DSG3: variants seen among roughly 807,000 people sequenced by gnomAD.
DSG3 encodes the protein desmoglein-3.
In DSG3, 63 loss-of-function variants were observed where a neutral mutation model predicts 85.9. That is an observed-to-expected ratio of 0.73 (90% CI 0.60 to 0.90). The LOEUF (loss-of-function observed/expected upper bound fraction) is 0.90, where lower values mean the gene tolerates loss of function less well. Among genes scored for constraint, DSG3 ranks in the 40% least tolerant of loss-of-function variants. The pLI is 0.00. For missense variants in DSG3, 1,220 were observed against 1,219.9 expected, an observed-to-expected ratio of 1.00 and a Z score of 0.00; for synonymous variants, 447 against 441.9, an observed-to-expected ratio of 1.01 and a Z score of -0.14.
At chr18:31,450,061 C>T (rs1166865776) in intron 1 of DSG3, among the ~76,000 whole-genome samples, 2 of 152,174 alleles carry the variant, frequency 1.3e-5, no homozygotes, top group South Asian at 2.1e-4. Flanking sequence ...CTTTTAAAAA[C>T]GTTTTAAATG....
At chr18:31,468,540 A>ATTT (rs2072835944) in intron 11 of DSG3, among the ~76,000 whole-genome samples, 1 of 152,162 alleles carries the variant, frequency 6.6e-6, no homozygotes, top group South Asian at 2.1e-4. Context: ...GTGTAGACAG[A>ATTT]TTTACCCACT....
intron 1 of DSG3, among the ~76,000 whole-genome samples, chr18:31,455,172 T>C (rs1208403109): frequency 6.6e-6 from 1 of 152,170 alleles, no homozygotes; most frequent in East Asian, 1.9e-4. Flanking sequence ...GGGATTATAA[T>C]ACTAGAATCT....
rs1161916068 is a variant in DSG3, at chr18:31,475,896, A to T, written c.2636A>T (p.Tyr879Phe). Residue 879 changes from tyrosine to phenylalanine, a missense_variant, in exon 16 of 16, where the codon TAT (tyrosine) becomes TTT (phenylalanine). Transcript: ENST00000257189. ...EVQPPSKDSGYGIESCGHPIE... is the reference protein window; with the variant it reads ...EVQPPSKDSGFGIESCGHPIE... ...CAGCCACCCTCTAAAGACAGCGGTT[A>T]TGGGATTGAATCCTGTGGCCATCCC... 1 of 1,614,194 alleles carries T rather than the reference A, an allele frequency of 6.2e-7. No homozygotes were observed. The highest frequency in any genetic ancestry group is 8.5e-7 in the Non-Finnish European group (1 of 1,180,030).
In DSG3 at chr18:31,472,337, G is replaced by A. The variant is rs1234554497; in HGVS notation, c.1951G>A (p.Val651Met). The change falls in exon 13 of 16, where the codon GTG (valine) becomes ATG (methionine). Residue 651 changes from valine (V) to methionine (M), a missense_variant. Transcript: ENST00000257189. ...CDCGAGSTGG[V>M]TGGFIPVPDG... ...CTGTGGGGCAGGTTCTACTGGGGGAGTGACAGGTGGTTTTATCCCAGTTCC... is the reference window on the plus strand; with the variant it reads ...CTGTGGGGCAGGTTCTACTGGGGGAATGACAGGTGGTTTTATCCCAGTTCC... 6 of 1,614,044 alleles carry A rather than the reference G, an allele frequency of 3.7e-6. No individual in the cohort carries two copies. In the Admixed American group the frequency reaches 6.7e-5, roughly 18 times the overall value.
intron 1 of DSG3, among the ~76,000 whole-genome samples, chr18:31,454,629 A>T (rs2072730520): frequency 1.3e-5 from 2 of 152,066 alleles, no homozygotes; most frequent in South Asian, 4.1e-4. Flanking sequence ...GCCAAATAGA[A>T]ATCTAAATTG....
At chr18:31,470,042 T>C (rs1299276938) in intron 12 of DSG3, among the ~76,000 whole-genome samples, 1 of 152,054 alleles carries the variant, frequency 6.6e-6, no homozygotes, top group Non-Finnish European at 1.5e-5. Flanking sequence ...CCTTTTCCAA[T>C]AAAGGTAAAA....
At chr18:31,452,009 T>C (rs1316469251) in intron 1 of DSG3, among the ~76,000 whole-genome samples, 1 of 152,194 alleles carries the variant, frequency 6.6e-6, no homozygotes, top group Admixed American at 6.5e-5. Context: ...CACCTTTTTC[T>C]TGGAGAGCTG....
chr18:31,461,316 G>T lies in DSG3; in HGVS notation c.903G>T (p.Trp301Cys). The T allele has an allele frequency of 6.2e-7, 1 of 1,613,432 alleles. No homozygotes were observed. Residue 301 changes from tryptophan to cysteine, a missense_variant, in exon 8 of 16, where the codon TGG becomes TGT. Transcript: ENST00000257189. ...TGGATGAAGAGTACACAGATAATTG[G>T]CTTGCAGTATATTTCTTTACCTCTG... ...TDLDEEYTDN[W>C]LAVYFFTSGN...
rs189114226 is a variant in DSG3, at chr18:31,450,412, G to A, written c.48+2487G>A. 1.1e-4 allele frequency among the ~76,000 whole-genome samples: 17 copies of A among 152,320 alleles called. No homozygotes were observed. The East Asian group carries it at 2.9e-3, about 26-fold the overall frequency. Reference sequence around the variant, plus strand: ...GCAGCTGAGGGTCAGATTGAAAAGTGCATTTTGTGAAGGCTCATGGAAACC... The same window carrying A: ...GCAGCTGAGGGTCAGATTGAAAAGTACATTTTGTGAAGGCTCATGGAAACC... On this transcript the variant is annotated intron_variant, in intron 1 of 15. Coordinates refer to ENST00000257189, the MANE Select transcript of DSG3 (RefSeq NM_001944.3).
intron 1 of DSG3, among the ~76,000 whole-genome samples, chr18:31,453,776 A>G (rs1040145153): frequency 6.6e-6 from 1 of 152,208 alleles, no homozygotes; most frequent in Middle Eastern, 3.4e-3. Context: ...TGGTATTTCC[A>G]ATCCAGGCCA....
chr18:31,469,040 GA>G, intron 11 of DSG3, 48 bp from the exon 12 acceptor site: 1 of 1,601,732 alleles, frequency 6.2e-7, no homozygotes, highest in Non-Finnish European at 8.5e-7. Context: ...AAAATAGACT[GA>G]AAAGACACTT....
rs201499359 is a variant in DSG3, at chr18:31,458,399, G to C, written c.217-46G>C. On this transcript the variant is annotated intron_variant, in intron 3 of 15. Transcript: ENST00000257189. ...TGGAAGTGGGGGTGGAGAGGGAAAG[G>C]CTTGAGTGATGGTCACCTCAACGTT... 856 of 1,591,394 alleles carry C rather than the reference G, an allele frequency of 5.4e-4. 10 individuals carry two copies. The South Asian group carries it at 9.5e-3, about 18-fold the overall frequency.
intron 4 of DSG3, 42 bp from the exon 5 acceptor site, chr18:31,458,991 C>T: frequency 1.2e-6 from 2 of 1,600,760 alleles, no homozygotes; most frequent in Non-Finnish European, 1.7e-6. Context: ...AGTATGAAAA[C>T]TGATTGCAGA....
intron 4 of DSG3, 37 bp from the exon 5 acceptor site, chr18:31,458,996 T>G (rs1438524704): frequency 2.2e-5 from 35 of 1,603,258 alleles, no homozygotes; most frequent in Non-Finnish European, 2.8e-5. Flanking sequence ...GAAAACTGAT[T>G]GCAGAGTAAT....
In DSG3 at chr18:31,476,271, C is replaced by G; in HGVS notation, c.*11C>G. ...TCCCGTCTAATATGACCAGAATGAG[C>G]TGGAATACCACACTGACCAAATCTG... On this transcript the variant is annotated 3_prime_UTR_variant, in exon 16 of 16. Coordinates refer to ENST00000257189, the MANE Select transcript of DSG3 (RefSeq NM_001944.3). 3 of 1,594,568 alleles carry G rather than the reference C, an allele frequency of 1.9e-6. No individual in the cohort carries two copies. Among genetic ancestry groups the G allele is most frequent in the Non-Finnish European group, 2.6e-6 (3 of 1,169,574 alleles).
chr18:31,459,259 C>G, intron 5 of DSG3, 82 bp downstream of exon 5: 1 of 1,266,296 alleles, frequency 7.9e-7, no homozygotes, highest in Non-Finnish European at 1.1e-6. Context: ...TTCTTATAAA[C>G]TAATTTATGC....
At chr18:31,456,879 C>T in intron 2 of DSG3, 114 bp from the exon 3 acceptor site, 1 of 1,017,896 alleles carries the variant, frequency 9.8e-7, no homozygotes, top group South Asian at 1.9e-5. Context: ...AGATACCTAA[C>T]AGTCTTAGTG....
At position 31,476,138 on chromosome 18, in the gene DSG3, A is replaced by G. The variant is rs73414241; in HGVS notation, c.2878A>G (p.Ile960Val). ...GFDPLLTQNV[I>V]VTERVICPIS... The stretch of plus-strand genomic sequence containing the variant: ...TGATCCACTTCTCACACAAAATGTG[A>G]TAGTGACAGAAAGGGTGATCTGTCC... Residue 960 changes from isoleucine (I) to valine (V), a missense_variant, in exon 16 of 16, where the codon ATA becomes GTA. Physicochemically the swap from Ile to Val is conservative, Grantham distance 29 (BLOSUM62 3). Transcript: ENST00000257189. 4,161 of 1,614,192 alleles carry G rather than the reference A, an allele frequency of 2.6e-3. 98 individuals are homozygous for G. The African/African-American group carries it at 0.049, about 19-fold the overall frequency.
At chr18:31,455,512 T>C (rs2072737056) in intron 1 of DSG3, among the ~76,000 whole-genome samples, 1 of 152,224 alleles carries the variant, frequency 6.6e-6, no homozygotes, top group African/African-American at 2.4e-5. Flanking sequence ...TGGTAAACCA[T>C]CATGGGCTAA....
Sources: allele counts gnomAD v4.1 joint callset (sites outside exome capture counted in the v4.1 genomes callset), GRCh38; gene constraint gnomAD v4.1.1; transcripts MANE v1.5; gene names NCBI Gene and HGNC (gene_info 2026-07-23, HGNC 2026-07-21).